ZNF829: variants seen among roughly 807,000 people sequenced by gnomAD.
The protein encoded by ZNF829 is zinc finger protein 829.
Under a neutral mutation model 35.2 loss-of-function variants are expected in ZNF829, and 25 were observed. The ratio of observed to expected loss-of-function variants is 0.71; its 90% CI spans 0.52 to 0.99. The LOEUF (loss-of-function observed/expected upper bound fraction) is 0.99, where lower values mean the gene tolerates loss of function less well. Ranked by LOEUF, ZNF829 falls within the 50% of genes least tolerant of loss-of-function variation. ZNF829 has a pLI of 0.00. For missense variants in ZNF829, 417 were observed against 515.3 expected (o/e 0.81, Z 1.85); for synonymous variants, 136 against 163.2 (o/e 0.83, Z 1.27).
At chr19:36,909,400 T>G (rs2073244396) in intron 3 of ZNF829, among the ~76,000 whole-genome samples, 1 of 152,156 alleles carries the variant, frequency 6.6e-6, no homozygotes, top group South Asian at 2.1e-4. Flanking sequence ...AAAATACAAA[T>G]TGTATTAGAA....
intron 5 of ZNF829, among the ~76,000 whole-genome samples, chr19:36,899,747 CT>C (rs1405766258): frequency 2.2e-5 from 3 of 139,484 alleles, no homozygotes; most frequent in Non-Finnish European, 4.7e-5. Context: ...TTTAAGTACT[CT>C]TACCCTAAAC....
intron 3 of ZNF829, among the ~76,000 whole-genome samples, chr19:36,909,150 A>G (rs573596): frequency 0.024 from 3,691 of 152,278 alleles, 158 homozygotes; most frequent in African/African-American, 0.084. Context: ...AAGTGCCAGT[A>G]TAATTATAAA....
At chr19:36,893,123 G>A (rs996872254) in intron 5 of ZNF829, 1 of 397,240 alleles carries the variant, frequency 2.5e-6, no homozygotes. Flanking sequence ...GTGTTGAAAG[G>A]TTTAAATGTC....
chr19:36,891,912 C>T lies in ZNF829; in HGVS notation c.879G>A (p.Glu293=). The T allele has an allele frequency of 6.2e-7, 1 of 1,614,026 alleles. No homozygotes were observed. ...LFLHLRIHTG[E]KPYECKECGK... ...CACATTCTTTACATTCATAAGGTTT[C>T]TCACCAGTATGAATTCTCAGATGTA... The change falls in exon 6 of 6, where the codon GAG becomes GAA. Residue 293 remains glutamate (E), a synonymous_variant. Coordinates refer to ENST00000391711, the MANE Select transcript of ZNF829 (RefSeq NM_001037232.4).
At chr19:36,894,433 C>T (rs538769536) in intron 5 of ZNF829, among the ~76,000 whole-genome samples, 1 of 152,188 alleles carries the variant, frequency 6.6e-6, no homozygotes, top group South Asian at 2.1e-4. Flanking sequence ...TACAATAATG[C>T]TCCAGCAACA....
chr19:36,903,497 T>C (rs2073189291), intron 5 of ZNF829, among the ~76,000 whole-genome samples: 1 of 152,228 alleles, frequency 6.6e-6, no homozygotes, highest in Admixed American at 6.5e-5. Flanking sequence ...ATATCACAGT[T>C]CTCAATTACC....
chr19:36,904,279 C>G (rs1256061413), intron 5 of ZNF829, among the ~76,000 whole-genome samples: 2 of 152,076 alleles, frequency 1.3e-5, no homozygotes, highest in African/African-American at 2.4e-5. Context: ...ACATACTATG[C>G]AAAATTTGAA....
intron 5 of ZNF829, chr19:36,902,020 T>G: frequency 1.5e-6 from 1 of 669,004 alleles, no homozygotes; most frequent in Non-Finnish European, 2.7e-6. Flanking sequence ...GAATACGTAA[T>G]GGGGATGAAG....
intron 5 of ZNF829, among the ~76,000 whole-genome samples, chr19:36,903,105 AGTC>A (rs1451313378): frequency 1.3e-5 from 2 of 152,216 alleles, no homozygotes; most frequent in African/African-American, 4.8e-5. Context: ...TAAATACAGT[AGTC>A]AAGATTTTTA....
Position 36,911,644 on chromosome 19 carries a change from G to T in ZNF829, c.97-3185C>A, listed in dbSNP as rs372056113. On this transcript the variant is annotated intron_variant, in intron 3 of 5. Transcript: ENST00000391711. ...TTCCCAATTGATAGGAGAAATGAGGGTACTTCTCCCTCACCTTAGGACAAG... is the reference window on the plus strand; with the variant it reads ...TTCCCAATTGATAGGAGAAATGAGGTTACTTCTCCCTCACCTTAGGACAAG... 3.4e-4 allele frequency among the ~76,000 whole-genome samples: 51 copies of T among 152,194 alleles called. No homozygotes were observed. The South Asian group carries it at 6.6e-3, about 20-fold the overall frequency.
chr19:36,900,805 G>C (rs2073158551), intron 5 of ZNF829, among the ~76,000 whole-genome samples: 2 of 146,348 alleles, frequency 1.4e-5, no homozygotes, highest in Admixed American at 1.4e-4. Flanking sequence ...CCAAGATTGT[G>C]CCATTGCACT....
intron 5 of ZNF829, chr19:36,905,704 C>T (rs573562373): frequency 6.6e-6 from 1 of 152,194 alleles, no homozygotes; most frequent in Admixed American, 6.5e-5. Flanking sequence ...TCCCAAAGTG[C>T]TGGGATTACA....
intron 5 of ZNF829, chr19:36,901,964 A>C (rs1198680510): frequency 2.7e-6 from 2 of 753,622 alleles, no homozygotes; most frequent in Non-Finnish European, 4.9e-6. Context: ...TGTCTGGGCC[A>C]AAGGAATAAG....
chr19:36,889,689 G>A lies in ZNF829; in HGVS notation c.*1803C>T, dbSNP rs555834378. ...TTTTTCTTGGTTAATCTAGCTAGTG[G>A]TCTGTCAGTTTTATCTTTGCAAAGA... On this transcript the variant is annotated 3_prime_UTR_variant, in exon 6 of 6. Coordinates refer to ENST00000391711, the MANE Select transcript of ZNF829 (RefSeq NM_001037232.4). The A allele has an allele frequency of 1.8e-4, 27 of 152,136 alleles. No homozygotes were observed. Among genetic ancestry groups the A allele is most frequent in the African/African-American group, 5.8e-4 (24 of 41,498 alleles). The allele number at this position is 152,136 out of a possible 1,614,324, so 9.4% of individuals were successfully genotyped here.
In ZNF829 at chr19:36,891,356, T is replaced by G. The variant is rs2073049402; in HGVS notation, c.*136A>C. ...TTTAAGCCACCAAGGTTTTGGTACT[T>G]GGTACTTTGTTATCGTATCGTTTAA... On this transcript the variant is annotated 3_prime_UTR_variant, in exon 6 of 6. Transcript: ENST00000391711. 1.2e-6 allele frequency: 1 copy of G among 867,604 alleles called. No individual in the cohort carries two copies. The highest frequency in any genetic ancestry group is 1.7e-6 in the Non-Finnish European group (1 of 604,680). 53.7% of individuals were successfully genotyped at this position (867,604 alleles called of 1,614,324 possible).
rs763659828 is a variant in ZNF829 at position 36,915,910 on chromosome 19, TC to T, written c.-85+100del. 20 of 1,536,018 alleles carry T rather than the reference TC, an allele frequency of 1.3e-5. No homozygotes were observed. The South Asian group carries it at 2.3e-4, about 17-fold the overall frequency. ...GCCCGCAGGGGCCCAAGGCGCCAGC[TC>T]CCCATCGGTCTTCGGTATCCTCACC... On this transcript the variant is annotated intron_variant, in intron 1 of 5. Coordinates refer to ENST00000391711, the MANE Select transcript of ZNF829 (RefSeq NM_001037232.4).
chr19:36,904,081 C>T (rs73626755), intron 5 of ZNF829, among the ~76,000 whole-genome samples: 1,994 of 152,172 alleles, frequency 0.013, 45 homozygotes, highest in African/African-American at 0.045. Flanking sequence ...TAAGGCATAA[C>T]ACCAATGGGG....
intron 5 of ZNF829, among the ~76,000 whole-genome samples, chr19:36,898,607 C>T (rs2073133841): frequency 6.6e-6 from 1 of 152,110 alleles, no homozygotes; most frequent in Non-Finnish European, 1.5e-5. Context: ...TCAAAATATA[C>T]TACAAAGCTG....
In ZNF829 at chr19:36,889,946, C is replaced by G. The variant is rs897689783; in HGVS notation, c.*1546G>C. On this transcript the variant is annotated 3_prime_UTR_variant, in exon 6 of 6. Transcript: ENST00000391711. ...TCTTAGCACTGCTTTTGCTGTATCT[C>G]AGATGTTTTCATGTGTTTTGTCTCT... 2.0e-5 allele frequency: 3 copies of G among 152,132 alleles called. No individual in the cohort carries two copies. Among genetic ancestry groups the G allele is most frequent in the African/African-American group, 7.2e-5 (3 of 41,430 alleles). 9.4% of individuals were successfully genotyped at this position (152,132 alleles called of 1,614,324 possible).
Sources: allele counts gnomAD v4.1 joint callset (sites outside exome capture counted in the v4.1 genomes callset), GRCh38; gene constraint gnomAD v4.1.1; transcripts MANE v1.5; gene names NCBI Gene and HGNC (gene_info 2026-07-23, HGNC 2026-07-21).